Variants in RAPGEF4 observed in about 807,000 individuals in gnomAD.
RAPGEF4 encodes Rap guanine nucleotide exchange factor 4.
In RAPGEF4, 66 loss-of-function variants were observed where a neutral mutation model predicts 147.9. That is an observed-to-expected ratio of 0.45 (90% confidence interval 0.37 to 0.55). The LOEUF is 0.55. Among genes scored for constraint, RAPGEF4 ranks in the 20% least tolerant of loss-of-function variants. The probability of loss-of-function intolerance (pLI) is 0.00; values close to 1 mark genes in which losing one functional copy is unlikely to be tolerated. For missense variants in RAPGEF4, 1,071 were observed against 1,257.3 expected, an observed-to-expected ratio of 0.85 and a Z score of 2.24; for synonymous variants, 419 against 442.7, an observed-to-expected ratio of 0.95 and a Z score of 0.67.
intron 1 of RAPGEF4, among the ~76,000 whole-genome samples, chr2:172,764,405 C>T (rs543048994): frequency 6.6e-6 from 1 of 152,322 alleles, no homozygotes; most frequent in Admixed American, 6.5e-5. Flanking sequence ...ATGGAACTTG[C>T]AGAGGTACCA....
At chr2:172,845,247 G>A (rs1692052133) in intron 4 of RAPGEF4, among the ~76,000 whole-genome samples, 1 of 152,312 alleles carries the variant, frequency 6.6e-6, no homozygotes, top group Non-Finnish European at 1.5e-5. Flanking sequence ...TGCCTGAGCA[G>A]CAAGTGTTTC....
chr2:172,819,641 A>G (rs975593307), intron 4 of RAPGEF4, among the ~76,000 whole-genome samples: 10 of 150,632 alleles, frequency 6.6e-5, no homozygotes, highest in Non-Finnish European at 1.3e-4. Context: ...AATTTTTTGT[A>G]TTTTTAGTAG....
At chr2:172,816,252 GTC>G (rs149952463) in intron 4 of RAPGEF4, among the ~76,000 whole-genome samples, 10 of 149,778 alleles carry the variant, frequency 6.7e-5, no homozygotes, top group Non-Finnish European at 1.0e-4. Context: ...TTATATCTAA[GTC>G]TCTCTCTCTC....
At chr2:172,893,334 T>C (rs1294977841) in intron 4 of RAPGEF4, among the ~76,000 whole-genome samples, 2 of 152,156 alleles carry the variant, frequency 1.3e-5, no homozygotes, top group Admixed American at 1.3e-4. Flanking sequence ...TGGGGCCCAG[T>C]TGGAGGCTAA....
chr2:172,874,787 G>A (rs1433038710), intron 4 of RAPGEF4, among the ~76,000 whole-genome samples: 1 of 152,124 alleles, frequency 6.6e-6, no homozygotes, highest in Non-Finnish European at 1.5e-5. Context: ...TGGGTCAAAT[G>A]GTATTTCTAG....
intron 14 of RAPGEF4, among the ~76,000 whole-genome samples, chr2:172,990,017 C>CAAAAAAAAAA (rs10689863): frequency 7.8e-6 from 1 of 128,936 alleles, no homozygotes. Flanking sequence ...GGTCTTAATG[C>CAAAAAAAAAA]AAAAAAAAAA....
intron 6 of RAPGEF4, among the ~76,000 whole-genome samples, chr2:172,924,149 T>A (rs906769612): frequency 1.3e-5 from 2 of 152,162 alleles, no homozygotes; most frequent in Admixed American, 6.5e-5. Context: ...TCCTTCCTCA[T>A]CAACAGACTA....
At chr2:172,932,117 C>T (rs1042307929) in intron 6 of RAPGEF4, among the ~76,000 whole-genome samples, 8 of 152,002 alleles carry the variant, frequency 5.3e-5, no homozygotes, top group Non-Finnish European at 1.2e-4. Flanking sequence ...GGTGTTCATG[C>T]ATGTCTAACC....
rs529788962 is a variant in RAPGEF4 at position 173,043,777 on chromosome 2, G to A, written c.2854-4823G>A. 3.3e-3 allele frequency among the ~76,000 whole-genome samples: 497 copies of A among 152,344 alleles called. 3 individuals carry two copies. Among genetic ancestry groups the A allele is most frequent in the Middle Eastern group, 0.02 (6 of 294 alleles). On this transcript the variant is annotated intron_variant, in intron 29 of 30. Transcript: ENST00000397081. ...AGAACAAGGTACCTCTGACACCTCAGCGGACTCAAGGGAAATTCCCTGCAT... is the reference window on the plus strand; with the variant it reads ...AGAACAAGGTACCTCTGACACCTCAACGGACTCAAGGGAAATTCCCTGCAT...
At chr2:172,991,090 C>T (rs1692787319) in intron 15 of RAPGEF4, among the ~76,000 whole-genome samples, 165 bp downstream of exon 15, 1 of 152,122 alleles carries the variant, frequency 6.6e-6, no homozygotes, top group South Asian at 2.1e-4. Context: ...TATAATGTAT[C>T]CATTTCTGGC....
At chr2:172,782,928 C>G (rs1415605232) in intron 1 of RAPGEF4, among the ~76,000 whole-genome samples, 3 of 152,134 alleles carry the variant, frequency 2.0e-5, no homozygotes, top group Non-Finnish European at 4.4e-5. Flanking sequence ...CCTGATGATC[C>G]TCTACTGAGG....
At chr2:172,914,659 G>A (rs1327407000) in intron 4 of RAPGEF4, among the ~76,000 whole-genome samples, 1 of 150,052 alleles carries the variant, frequency 6.7e-6, no homozygotes, top group African/African-American at 2.4e-5. Flanking sequence ...AAAGAAAGAG[G>A]GAGAAAGAAA....
intron 3 of RAPGEF4, among the ~76,000 whole-genome samples, chr2:172,804,988 G>A (rs911002564): frequency 2.6e-5 from 4 of 152,274 alleles, no homozygotes; most frequent in African/African-American, 4.8e-5. Flanking sequence ...TGTAGGAGGC[G>A]TGAGTTGCAG....
chr2:172,907,202 A>G (rs1699716206), intron 4 of RAPGEF4, among the ~76,000 whole-genome samples: 1 of 152,244 alleles, frequency 6.6e-6, no homozygotes, highest in African/African-American at 2.4e-5. Context: ...TTCATATTAG[A>G]AAATATTAGT....
chr2:172,826,341 T>A (rs1334461646), intron 4 of RAPGEF4, among the ~76,000 whole-genome samples: 1 of 152,244 alleles, frequency 6.6e-6, no homozygotes, highest in African/African-American at 2.4e-5. Flanking sequence ...GAGAAAGTAC[T>A]GAAACTCTTA....
chr2:172,964,395 C>T (rs1009173340), intron 8 of RAPGEF4, among the ~76,000 whole-genome samples: 2 of 131,544 alleles, frequency 1.5e-5, no homozygotes, highest in Non-Finnish European at 3.2e-5. Flanking sequence ...ATCATTTGCT[C>T]CTCCTATTTT....
At chr2:172,890,693 C>G (rs1409974063) in intron 4 of RAPGEF4, among the ~76,000 whole-genome samples, 1 of 152,174 alleles carries the variant, frequency 6.6e-6, no homozygotes, top group African/African-American at 2.4e-5. Context: ...GGGAGGGAAC[C>G]ATTGAGAATA....
intron 1 of RAPGEF4, among the ~76,000 whole-genome samples, chr2:172,791,837 C>T (rs145753778): frequency 5.6e-4 from 85 of 152,310 alleles, no homozygotes; most frequent in African/African-American, 1.9e-3. Context: ...ACTGTTTTCT[C>T]GTGAGTGTCA....
intron 26 of RAPGEF4, among the ~76,000 whole-genome samples, chr2:173,030,600 A>G (rs1013484360): frequency 6.6e-6 from 1 of 152,226 alleles, no homozygotes; most frequent in Non-Finnish European, 1.5e-5. Context: ...GTTTTCTGAA[A>G]TGTCTGCTTG....
Sources: gnomAD v4.1 joint callset for allele counts (sites outside exome capture counted in the v4.1 genomes callset) on GRCh38, gnomAD v4.1.1 for gene constraint, MANE v1.5 for transcripts, NCBI Gene and HGNC (gene_info 2026-07-23, HGNC 2026-07-21) for gene names.